S100A13: variants seen among roughly 807,000 people sequenced by gnomAD.
S100A13 encodes the protein S100 calcium binding protein A13.
Under a neutral mutation model 8.2 loss-of-function variants are expected in S100A13, and 6 were observed. The observed-to-expected ratio is 0.73, with a 90% CI of 0.40 to 1.44. S100A13 has a LOEUF of 1.44. Ranked by LOEUF, S100A13 falls within the 40% of genes most tolerant of loss-of-function variation. The probability of loss-of-function intolerance (pLI) is 0.02; values close to 1 mark genes in which losing one functional copy is unlikely to be tolerated. For missense variants in S100A13, 114 were observed against 113.6 expected (o/e 1.00, Z -0.02); for synonymous variants, 39 against 45.9 (o/e 0.85, Z 0.61).
chr1:153,632,716 GACAC>G (rs1362327150), upstream of S100A13, among the ~76,000 whole-genome samples: 2 of 151,892 alleles, frequency 1.3e-5, no homozygotes, highest in Non-Finnish European at 2.9e-5. Flanking sequence ...CTTACACACA[GACAC>G]ACACAAACAC....
At chr1:153,619,702 A>G (rs1667115082) in intron 2 of S100A13, among the ~76,000 whole-genome samples, 1 of 152,176 alleles carries the variant, frequency 6.6e-6, no homozygotes, top group South Asian at 2.1e-4. Flanking sequence ...AGCACAACCA[A>G]AAAGTTGACT....
chr1:153,628,047 ACTGAGGGTCCTCTCAGTGAGGCCC>A, upstream of S100A13: 1 of 1,550,242 alleles, frequency 6.5e-7, no homozygotes, highest in Non-Finnish European at 8.7e-7. Context: ...TAAGTTTCTC[ACTGAGGGTCCTCTCAGTGAGGCCC>A]CATGGAGGAG....
intron 2 of S100A13, among the ~76,000 whole-genome samples, chr1:153,624,848 G>A (rs1667505508): frequency 6.6e-6 from 1 of 152,174 alleles, no homozygotes; most frequent in African/African-American, 2.4e-5. Context: ...GCCGAGGCAG[G>A]TGGATCACCT....
upstream of S100A13, chr1:153,630,749 C>A: frequency 6.6e-7 from 1 of 1,519,128 alleles, no homozygotes; most frequent in Non-Finnish European, 9.0e-7. Context: ...CCCACCCCAC[C>A]TCCAGCTCAG....
At position 153,619,018 on chromosome 1, in the gene S100A13, CTCA is replaced by C. The variant is rs769274687; in HGVS notation, c.171_173del (p.Asp57del). On this transcript the variant is annotated inframe_deletion, in exon 3 of 3. Transcript: ENST00000476133. ...GATTCACATCCAAGCTCTTCATCTT[CTCA>C]TCAAGAGAGCCCACATCCTGAGGAG... The C allele has an allele frequency of 6.2e-7, 1 of 1,614,014 alleles. No individual in the cohort carries two copies. The highest frequency in any genetic ancestry group is 2.2e-5 in the East Asian group (1 of 44,880).
upstream of S100A13, chr1:153,629,639 C>G (rs1404755494): frequency 6.6e-6 from 1 of 152,602 alleles, no homozygotes; most frequent in East Asian, 1.9e-4. Context: ...CCCTTTCTCT[C>G]CCCCAACACA....
intron 2 of S100A13, among the ~76,000 whole-genome samples, chr1:153,625,330 A>G (rs575767474): frequency 5.9e-5 from 9 of 152,330 alleles, no homozygotes; most frequent in Admixed American, 3.9e-4. Context: ...ATATTCACAC[A>G]CTTCAACGTG....
chr1:153,632,288 T>C (rs569747310), upstream of S100A13: 169 of 148,026 alleles, frequency 1.1e-3, no homozygotes, highest in African/African-American at 4.4e-3. Context: ...TTTTTTTTTT[T>C]GGAGACACAG....
chr1:153,619,057 G>A lies in S100A13; in HGVS notation c.154-19C>T, dbSNP rs1227477034. 2.5e-6 allele frequency: 4 copies of A among 1,609,566 alleles called. No individual in the cohort carries two copies. Among genetic ancestry groups the A allele is most frequent in the Non-Finnish European group, 3.4e-6 (4 of 1,177,322 alleles). On this transcript the variant is annotated intron_variant, in intron 2 of 2. Transcript: ENST00000476133. Reference sequence around the variant, plus strand: ...CCACATCCTGAGGAGACACCAAAGGGAAGGGTAGAGTTAGAAACTGGGGTT... The same window carrying A: ...CCACATCCTGAGGAGACACCAAAGGAAAGGGTAGAGTTAGAAACTGGGGTT...
chr1:153,626,219 C>G (rs548701659), intron 2 of S100A13, 101 bp downstream of exon 2: 1 of 1,081,500 alleles, frequency 9.2e-7, no homozygotes, highest in African/African-American at 1.6e-5. Context: ...CACCCACACC[C>G]TTTCTTGTGG....
chr1:153,619,330 A>G (rs1667087421), intron 2 of S100A13, among the ~76,000 whole-genome samples: 1 of 152,170 alleles, frequency 6.6e-6, no homozygotes, highest in South Asian at 2.1e-4. Flanking sequence ...GCTGAATACA[A>G]AGCTGGAAAG....
At chr1:153,622,069 C>T (rs1667295998) in intron 2 of S100A13, among the ~76,000 whole-genome samples, 1 of 150,784 alleles carries the variant, frequency 6.6e-6, no homozygotes, top group East Asian at 1.9e-4. Flanking sequence ...AATTGGTAAT[C>T]ACAAAAATTA....
intron 2 of S100A13, among the ~76,000 whole-genome samples, chr1:153,625,583 A>G (rs2101595514): frequency 6.6e-6 from 1 of 152,294 alleles, no homozygotes; most frequent in Non-Finnish European, 1.5e-5. Context: ...TTCATTTTTG[A>G]TAAGCCCCTT....
upstream of S100A13, chr1:153,630,610 G>A: frequency 6.2e-7 from 1 of 1,614,272 alleles, no homozygotes; most frequent in South Asian, 1.1e-5. Context: ...TACAAGCTGA[G>A]CAAGAAGGAG....
At chr1:153,620,092 G>GC (rs1277719550) in intron 2 of S100A13, among the ~76,000 whole-genome samples, 1 of 152,050 alleles carries the variant, frequency 6.6e-6, no homozygotes, top group African/African-American at 2.4e-5. Context: ...TTTGAGACCA[G>GC]CCTGGCCAAC....
intron 2 of S100A13, among the ~76,000 whole-genome samples, 162 bp from the exon 3 acceptor site, chr1:153,619,200 C>T (rs922968502): frequency 6.6e-5 from 10 of 152,184 alleles, no homozygotes; most frequent in African/African-American, 1.7e-4. Flanking sequence ...AAAACTGCAC[C>T]GCCACGGGGT....
upstream of S100A13, chr1:153,634,244 C>G (rs1668214905): frequency 6.5e-6 from 1 of 152,730 alleles, no homozygotes; most frequent in South Asian, 2.1e-4. Context: ...CTAGCTAACC[C>G]GAGCCCCTCC....
intron 2 of S100A13, among the ~76,000 whole-genome samples, chr1:153,623,779 T>C (rs1667433489): frequency 6.6e-6 from 1 of 152,188 alleles, no homozygotes; most frequent in African/African-American, 2.4e-5. Context: ...AGGGTCCCTT[T>C]TGGGGTCTGT....
chr1:153,630,731 G>A, upstream of S100A13: 1 of 1,553,018 alleles, frequency 6.4e-7, no homozygotes, highest in South Asian at 1.2e-5. Flanking sequence ...ACACCCCCTT[G>A]CTATCTCCCC....
Sources: allele counts gnomAD v4.1 joint callset (sites outside exome capture counted in the v4.1 genomes callset), GRCh38; gene constraint gnomAD v4.1.1; transcripts MANE v1.5; gene names NCBI Gene and HGNC (gene_info 2026-07-23, HGNC 2026-07-21).